The following PTH1R variants were observed in gnomAD, a reference collection of about 807,000 sequenced individuals.
PTH1R encodes the protein parathyroid hormone/parathyroid hormone-related peptide receptor.
Under a neutral mutation model 70.7 loss-of-function variants are expected in PTH1R, and 32 were observed. That is an observed-to-expected ratio of 0.45 (90% CI 0.34 to 0.61). The LOEUF is 0.61. Ranked by LOEUF, PTH1R falls within the 20% of genes least tolerant of loss-of-function variation. The pLI is 0.01. For missense variants in PTH1R, 626 were observed against 792.5 expected, an observed-to-expected ratio of 0.79 and a Z score of 2.52; for synonymous variants, 329 against 324.8, an observed-to-expected ratio of 1.01 and a Z score of -0.14.
chr3:46,889,021 C>A (rs1474783734), intron 3 of PTH1R, among the ~76,000 whole-genome samples: 2 of 152,194 alleles, frequency 1.3e-5, no homozygotes, highest in Non-Finnish European at 2.9e-5. Flanking sequence ...CTCAGGCCAG[C>A]CGGACAGAGA....
rs1027738899 is a variant in PTH1R at position 46,903,780 on chromosome 3, A to G, written c.*124A>G. 15 of 1,500,012 alleles carry G rather than the reference A, an allele frequency of 1.0e-5. No individual in the cohort carries two copies. The highest frequency in any genetic ancestry group is 8.4e-5 in the African/African-American group (6 of 71,114). The allele number at this position is 1,500,012 out of a possible 1,614,324, so 92.9% of individuals were successfully genotyped here. On this transcript the variant is annotated 3_prime_UTR_variant, in exon 16 of 16. Coordinates refer to ENST00000449590, the MANE Select transcript of PTH1R (RefSeq NM_000316.3). This position sits in a 1 kb window ranked among gnomAD's most constrained non-coding sequence, Gnocchi z 4.4. Reference sequence around the variant, plus strand: ...GAAAAACAGGGAAAAAAAGAAAAAAAAAAGAAAAAGGAAAAGGAAGCGGTG... The same window carrying G: ...GAAAAACAGGGAAAAAAAGAAAAAAGAAAGAAAAAGGAAAAGGAAGCGGTG...
intron 3 of PTH1R, among the ~76,000 whole-genome samples, chr3:46,886,656 C>T (rs989668224): frequency 6.6e-6 from 1 of 152,212 alleles, no homozygotes; most frequent in African/African-American, 2.4e-5. Context: ...CACGCCCGGC[C>T]GGTTGCTTGC....
intron 3 of PTH1R, among the ~76,000 whole-genome samples, chr3:46,890,627 C>G (rs138590819): frequency 2.6e-5 from 4 of 151,718 alleles, no homozygotes; most frequent in African/African-American, 9.7e-5. Context: ...CTCGGCCTCC[C>G]GAGTAGCTGG....
At position 46,883,510 on chromosome 3, in the gene PTH1R, A is replaced by AG. The variant is rs1238961725; in HGVS notation, c.-47dup. 6 of 1,454,120 alleles carry AG rather than the reference A, an allele frequency of 4.1e-6. No homozygotes were observed. Among genetic ancestry groups the AG allele is most frequent in the Non-Finnish European group, 5.4e-6 (6 of 1,106,104 alleles). The allele number at this position is 1,454,120 out of a possible 1,614,324, so 90.1% of individuals were successfully genotyped here. A position where few individuals can be genotyped will look rare whatever the true frequency, so the allele number is the denominator to read the frequency against. ...CAGCTCTGCACCCCCTACCACCACCAGGGCCGGCGGCGGCGGCTGCCCCGA... is the reference window on the plus strand; with the variant it reads ...CAGCTCTGCACCCCCTACCACCACCAGGGGCCGGCGGCGGCGGCTGCCCCGA... On this transcript the variant is annotated splice_acceptor_variant, in intron 2 of 15. Transcript: ENST00000449590. LOFTEE classifies it low-confidence loss of function (5UTR_SPLICE). This position sits in a 1 kb window ranked among gnomAD's most constrained non-coding sequence, Gnocchi z 6.4.
intron 6 of PTH1R, 43 bp from the exon 7 acceptor site, chr3:46,898,031 C>T: frequency 6.2e-7 from 1 of 1,613,218 alleles, no homozygotes; most frequent in African/African-American, 1.3e-5. Context: ...GGTTCAGTGC[C>T]TCGAGACCTC....
chr3:46,902,815 AGGGCAGGGTG>A lies in PTH1R; in HGVS notation c.1395+32_1395+41del. 5.0e-6 allele frequency: 8 copies of A among 1,613,286 alleles called. No homozygotes were observed. Among genetic ancestry groups the A allele is most frequent in the Non-Finnish European group, 6.8e-6 (8 of 1,179,858 alleles). Reference sequence around the variant, plus strand: ...GGTAAGCAGGAGACAGTGTTGGCATAGGGCAGGGTGGGGCAGATACCCCAGAGGCTTCCTC... The same window carrying A: ...GGTAAGCAGGAGACAGTGTTGGCATAGGGCAGATACCCCAGAGGCTTCCTC... On this transcript the variant is annotated intron_variant, in intron 15 of 15. Coordinates refer to ENST00000449590, the MANE Select transcript of PTH1R (RefSeq NM_000316.3). The surrounding 1 kb of genome is among the most constrained non-coding windows in gnomAD (Gnocchi z 5.4).
Position 46,903,308 on chromosome 3 carries a change from A to G in PTH1R, c.1434A>G (p.Thr478=), listed in dbSNP as rs757107998. The G allele has an allele frequency of 2.5e-6, 4 of 1,613,320 alleles. No homozygotes were observed. The highest frequency in any genetic ancestry group is 1.7e-5 in the Admixed American group (1 of 60,000). ...AEIKKSWSRW[T]LALDFKRKAR... ...TCAAGAAATCTTGGAGCCGCTGGAC[A>G]CTGGCACTGGACTTCAAGCGAAAGG... The change falls in exon 16 of 16, where the codon ACA becomes ACG. Residue 478 remains threonine (T), a synonymous_variant. Coordinates refer to ENST00000449590, the MANE Select transcript of PTH1R (RefSeq NM_000316.3). This position sits in a 1 kb window ranked among gnomAD's most constrained non-coding sequence, Gnocchi z 4.4.
chr3:46,899,598 G>A (rs958571856), intron 10 of PTH1R, 142 bp downstream of exon 10: 14 of 1,140,568 alleles, frequency 1.2e-5, no homozygotes, highest in Admixed American at 9.8e-5. Flanking sequence ...CCGCCCTTCT[G>A]TGATCCTGAC....
Position 46,901,960 on chromosome 3 carries a change from G to GTCCTTTCCCTT in PTH1R, c.1211+100_1211+101insTCCTTTCCCTT. On this transcript the variant is annotated intron_variant, in intron 13 of 15. Transcript: ENST00000449590. This position sits in a 1 kb window ranked among gnomAD's most constrained non-coding sequence, Gnocchi z 7.3. Reference sequence around the variant, plus strand: ...ACAGTGGCCCCATGAATGATCCTGGGGCAAGGGAAAGGACCCAGCGTCTGA... The same window carrying GTCCTTTCCCTT: ...ACAGTGGCCCCATGAATGATCCTGGGTCCTTTCCCTTGCAAGGGAAAGGACCCAGCGTCTGA... 1 of 1,293,250 alleles carries GTCCTTTCCCTT rather than the reference G, an allele frequency of 7.7e-7. No individual in the cohort carries two copies. Among genetic ancestry groups the GTCCTTTCCCTT allele is most frequent in the Non-Finnish European group, 1.1e-6 (1 of 908,574 alleles). The allele number at this position is 1,293,250 out of a possible 1,614,324, so 80.1% of individuals were successfully genotyped here.
chr3:46,897,012 G>A (rs190437549), intron 5 of PTH1R, among the ~76,000 whole-genome samples: 4 of 152,330 alleles, frequency 2.6e-5, no homozygotes, highest in Admixed American at 1.3e-4. Flanking sequence ...GGACACCTGC[G>A]TGAGGTCAGC....
intron 3 of PTH1R, among the ~76,000 whole-genome samples, chr3:46,889,689 G>T (rs2031275726): frequency 6.6e-6 from 1 of 152,170 alleles, no homozygotes; most frequent in Non-Finnish European, 1.5e-5. Flanking sequence ...AGTCAAGTCA[G>T]CCCTAATCAG....
intron 2 of PTH1R, among the ~76,000 whole-genome samples, chr3:46,881,493 G>A (rs1336453599): frequency 6.6e-6 from 1 of 152,152 alleles, no homozygotes; most frequent in African/African-American, 2.4e-5. Flanking sequence ...TCTGGATTGA[G>A]CCCCAGGTCT....
intron 3 of PTH1R, among the ~76,000 whole-genome samples, chr3:46,887,664 TTGTC>T (rs1383049911): frequency 1.3e-5 from 2 of 152,180 alleles, no homozygotes; most frequent in Non-Finnish European, 2.9e-5. Flanking sequence ...CATTTTCTAT[TTGTC>T]TGGTTGTTTT....
At position 46,882,708 on chromosome 3, in the gene PTH1R, G is replaced by A. The variant is rs1374232324; in HGVS notation, c.-48-804G>A. Among the ~76,000 whole-genome samples the A allele has an allele frequency of 6.6e-6, 1 of 152,104 alleles. No individual in the cohort carries two copies. Among genetic ancestry groups the A allele is most frequent in the Non-Finnish European group, 1.5e-5 (1 of 67,990 alleles). On this transcript the variant is annotated intron_variant, in intron 2 of 15. Coordinates refer to ENST00000449590, the MANE Select transcript of PTH1R (RefSeq NM_000316.3). This position sits in a 1 kb window ranked among gnomAD's most constrained non-coding sequence, Gnocchi z 4.3. ...CGAGGGAGTGACCGAAACGGAGCTT[G>A]GGGCCGCTGGAAGAACTGAGGCCAA...
chr3:46,903,767 AAAAAAGAAAAAAAAAAG>A lies in PTH1R; in HGVS notation c.*118_*134del, dbSNP rs1218130998. Reference sequence around the variant, plus strand: ...CTGGGGCCAAGAGGAAAAACAGGGAAAAAAAGAAAAAAAAAAGAAAAAGGAAAAGGAAGCGGTGTGTG... The same window carrying A: ...CTGGGGCCAAGAGGAAAAACAGGGAAAAAAAGGAAAAGGAAGCGGTGTGTG... On this transcript the variant is annotated 3_prime_UTR_variant, in exon 16 of 16. Transcript: ENST00000449590. The surrounding 1 kb of genome is among the most constrained non-coding windows in gnomAD (Gnocchi z 4.4). The A allele has an allele frequency of 6.3e-5, 96 of 1,512,822 alleles. No individual in the cohort carries two copies. The highest frequency in any genetic ancestry group is 7.9e-5 in the Non-Finnish European group (89 of 1,129,674). The allele number at this position is 1,512,822 out of a possible 1,614,324, so 93.7% of individuals were successfully genotyped here. A position where few individuals can be genotyped will look rare whatever the true frequency, so the allele number is the denominator to read the frequency against.
At chr3:46,887,031 G>A (rs2031079616) in intron 3 of PTH1R, among the ~76,000 whole-genome samples, 1 of 152,002 alleles carries the variant, frequency 6.6e-6, no homozygotes, top group Non-Finnish European at 1.5e-5. Flanking sequence ...CTGAGGCCAG[G>A]AGTTCGAGAC....
At chr3:46,880,872 A>C (rs1444284464) in intron 1 of PTH1R, among the ~76,000 whole-genome samples, 190 bp from the exon 2 acceptor site, 2 of 152,226 alleles carry the variant, frequency 1.3e-5, no homozygotes, top group African/African-American at 4.8e-5. Flanking sequence ...CCTAGGCCTT[A>C]GGACTTGGGC....
At position 46,883,764 on chromosome 3, in the gene PTH1R, C is replaced by A; in HGVS notation, c.75+130C>A. ...CTTTGGGTGAGAGTCCCCTCTGATC[C>A]AGGATCCTGGGTGCCTGCTGTCTCT... On this transcript the variant is annotated intron_variant, in intron 3 of 15. Transcript: ENST00000449590. The surrounding 1 kb of genome is among the most constrained non-coding windows in gnomAD (Gnocchi z 6.4). 9.4e-7 allele frequency: 1 copy of A among 1,069,330 alleles called. No homozygotes were observed. The highest frequency in any genetic ancestry group is 2.8e-5 in the East Asian group (1 of 35,894). The allele number at this position is 1,069,330 out of a possible 1,614,324, so 66.2% of individuals were successfully genotyped here.
rs387907462 is a variant in PTH1R, at chr3:46,898,828, C to T, written c.805C>T (p.Pro269Ser). The T allele has an allele frequency of 1.3e-6, 2 of 1,560,410 alleles. No homozygotes were observed. The highest frequency in any genetic ancestry group is 8.6e-7 in the Non-Finnish European group (1 of 1,158,962). ...EELRAIAQAP[P>S]PPATAAAGYA... ...GCTGCGCGCCATCGCCCAGGCGCCC[C>T]CGCCGCCTGCCACCGCCGCTGCCGG... Residue 269 changes from proline to serine, a missense_variant, in exon 9 of 16, where the codon CCG becomes TCG. Physicochemically the swap from Pro to Ser is moderately conservative, Grantham distance 74 (BLOSUM62 -1). This residue lies in a region of PTH1R where 495 missense variants were observed against 638.7 expected (regional missense o/e 0.77). Coordinates refer to ENST00000449590, the MANE Select transcript of PTH1R (RefSeq NM_000316.3).
Sources: allele counts gnomAD v4.1 joint callset (sites outside exome capture counted in the v4.1 genomes callset), GRCh38; gene constraint gnomAD v4.1.1; regional missense constraint gnomAD v4.1.1; non-coding constraint Gnocchi (gnomAD v3.1); transcripts MANE v1.5; gene names NCBI Gene and HGNC (gene_info 2026-07-23, HGNC 2026-07-21).